Variants in SERINC5 observed in about 807,000 individuals in gnomAD.
SERINC5 encodes serine incorporator 5, also known as chromosome 5 open reading frame 12.
Under a neutral mutation model 63.1 loss-of-function variants are expected in SERINC5, and 41 were observed. The ratio of observed to expected loss-of-function variants is 0.65; its 90% CI spans 0.51 to 0.84. SERINC5 has a LOEUF of 0.84. SERINC5 is among the 40% of genes least tolerant of loss of function. The pLI is 0.00. For synonymous variants in SERINC5, 222 were observed against 215.2 expected (o/e 1.03, Z -0.28); for missense variants, 523 against 573.0 (o/e 0.91, Z 0.89).
At chr5:80,196,657 A>G (rs761636209) in intron 2 of SERINC5, among the ~76,000 whole-genome samples, 1 of 152,230 alleles carries the variant, frequency 6.6e-6, no homozygotes, top group South Asian at 2.1e-4. Context: ...AAATGGATAC[A>G]TAAAATATGT....
At chr5:80,223,475 C>T (rs1751012682) in intron 1 of SERINC5, among the ~76,000 whole-genome samples, 1 of 151,868 alleles carries the variant, frequency 6.6e-6, no homozygotes, top group Admixed American at 6.6e-5. Context: ...TTTGTTCAAT[C>T]CAGACACAGA....
Position 80,113,908 on chromosome 5 carries a change from C to G in SERINC5, c.1239-283G>C, listed in dbSNP as rs140532000. 2.0e-3 allele frequency among the ~76,000 whole-genome samples: 297 copies of G among 152,058 alleles called. 4 individuals carry two copies. The highest frequency in any genetic ancestry group is 6.9e-3 in the African/African-American group (284 of 41,316). On this transcript the variant is annotated intron_variant, in intron 11 of 12. Coordinates refer to the SERINC5 transcript ENST00000509193. ...TCTGCCATGCTGTGTGCCCCCCCACCCATGCCTGTGGGCGAGGCTCCCCAG... is the reference window on the plus strand; with the variant it reads ...TCTGCCATGCTGTGTGCCCCCCCACGCATGCCTGTGGGCGAGGCTCCCCAG...
intron 1 of SERINC5, among the ~76,000 whole-genome samples, chr5:80,241,935 G>A (rs1751956347): frequency 6.6e-6 from 1 of 151,118 alleles, no homozygotes; most frequent in Non-Finnish European, 1.5e-5. Context: ...ACCAGCCTGG[G>A]CAACATAGTA....
chr5:80,209,099 C>T (rs967895718), intron 1 of SERINC5, among the ~76,000 whole-genome samples: 5 of 152,088 alleles, frequency 3.3e-5, no homozygotes, highest in Non-Finnish European at 7.4e-5. Context: ...GGCAACACCC[C>T]GTCTCTACTA....
chr5:80,182,373 A>G (rs1030141882), intron 2 of SERINC5, among the ~76,000 whole-genome samples: 1 of 152,158 alleles, frequency 6.6e-6, no homozygotes, highest in African/African-American at 2.4e-5. Context: ...GTTTTATACA[A>G]AAAATTTACA....
intron 1 of SERINC5, among the ~76,000 whole-genome samples, chr5:80,254,063 T>A (rs1242369438): frequency 6.6e-6 from 1 of 152,170 alleles, no homozygotes; most frequent in Non-Finnish European, 1.5e-5. Context: ...GTAGCTGGGA[T>A]TACAGGCATG....
At chr5:80,160,301 A>G (rs949798637) in intron 7 of SERINC5, among the ~76,000 whole-genome samples, 5 of 152,202 alleles carry the variant, frequency 3.3e-5, no homozygotes, top group African/African-American at 9.7e-5. Context: ...GAGTTATTCT[A>G]AACACTACGT....
Position 80,139,952 on chromosome 5 carries a change from C to T in SERINC5, c.*3711G>A, listed in dbSNP as rs142788958. ...AAAGGGAGTGTAAAAGCCTAGGTAG[C>T]TTAAATACAGGCTCTGGAATTTCCT... is the stretch of plus-strand genomic sequence containing the variant. On this transcript the variant is annotated 3_prime_UTR_variant, in exon 12 of 12. Coordinates refer to ENST00000507668, the MANE Select transcript of SERINC5 (RefSeq NM_001174072.3). 1.4e-4 allele frequency: 139 copies of T among 985,368 alleles called. 1 individual carries two copies. The East Asian group carries it at 0.014, about 99-fold the overall frequency. The allele number at this position is 985,368 out of a possible 1,614,324, so 61.0% of individuals were successfully genotyped here. A position where few individuals can be genotyped will look rare whatever the true frequency, so the allele number is the denominator to read the frequency against.
At chr5:80,212,756 T>A (rs1750495883) in intron 1 of SERINC5, among the ~76,000 whole-genome samples, 1 of 152,016 alleles carries the variant, frequency 6.6e-6, no homozygotes, top group African/African-American at 2.4e-5. Flanking sequence ...TGGTGCAACT[T>A]AAAAGCTAGA....
chr5:80,246,989 A>G (rs1752197433), intron 1 of SERINC5, among the ~76,000 whole-genome samples: 1 of 152,224 alleles, frequency 6.6e-6, no homozygotes, highest in Non-Finnish European at 1.5e-5. Flanking sequence ...AACTGCAAAC[A>G]GCAATATGTA....
intron 1 of SERINC5, among the ~76,000 whole-genome samples, chr5:80,254,251 GC>G (rs1241365058): frequency 1.3e-5 from 2 of 152,008 alleles, no homozygotes; most frequent in African/African-American, 2.4e-5. Context: ...ACTTCCTACC[GC>G]CCCATCCACA....
At chr5:80,179,876 AT>A (rs1363692472) in intron 2 of SERINC5, among the ~76,000 whole-genome samples, 1 of 152,204 alleles carries the variant, frequency 6.6e-6, no homozygotes, top group African/African-American at 2.4e-5. Context: ...GGCTGTACCA[AT>A]TTACATCCTA....
At chr5:80,217,246 T>G (rs1750707161) in intron 1 of SERINC5, among the ~76,000 whole-genome samples, 1 of 152,342 alleles carries the variant, frequency 6.6e-6, no homozygotes, top group East Asian at 1.9e-4. Flanking sequence ...CTCGTTCTAC[T>G]TTATAAATAG....
At chr5:80,174,369 A>AAATAATAATAATAATAATAATAAT (rs55865818) in intron 5 of SERINC5, among the ~76,000 whole-genome samples, 28 of 131,708 alleles carry the variant, frequency 2.1e-4, no homozygotes, top group East Asian at 9.1e-4. Context: ...CCCATCTCAA[A>AAATAATAATAATAATAATAATAAT]AATAATAATA....
downstream of SERINC5, among the ~76,000 whole-genome samples, chr5:80,135,532 A>G (rs1366140821): frequency 6.6e-6 from 1 of 152,138 alleles, no homozygotes; most frequent in African/African-American, 2.4e-5. Context: ...TACAATAGAG[A>G]ATCCCTTTCA....
intron 1 of SERINC5, among the ~76,000 whole-genome samples, chr5:80,243,168 T>G (rs974637548): frequency 6.6e-6 from 1 of 152,208 alleles, no homozygotes; most frequent in Admixed American, 6.5e-5. Flanking sequence ...GGTGGCCCCT[T>G]CATTCTTGCT....
At chr5:80,247,308 T>C in intron 1 of SERINC5, among the ~76,000 whole-genome samples, 1 of 152,156 alleles carries the variant, frequency 6.6e-6, no homozygotes, top group East Asian at 1.9e-4. Flanking sequence ...AGCTTCCGTG[T>C]CTCATAGTCA....
chr5:80,236,526 T>A (rs974620728), intron 1 of SERINC5, among the ~76,000 whole-genome samples: 7 of 151,200 alleles, frequency 4.6e-5, no homozygotes, highest in Non-Finnish European at 3.0e-5. Flanking sequence ...AAGTCCTAAA[T>A]CTTTTTTTTT....
chr5:80,178,645 G>A (rs1580120489), intron 2 of SERINC5, among the ~76,000 whole-genome samples: 1 of 145,550 alleles, frequency 6.9e-6, no homozygotes, highest in Non-Finnish European at 1.5e-5. Context: ...ATCCCAAAGT[G>A]CTGGGATCAT....
Sources: gnomAD v4.1 joint callset for allele counts (sites outside exome capture counted in the v4.1 genomes callset) on GRCh38, gnomAD v4.1.1 for gene constraint, MANE v1.5 for transcripts, NCBI Gene and HGNC (gene_info 2026-07-23, HGNC 2026-07-21) for gene names.